STK4: variants seen among roughly 807,000 people sequenced by gnomAD.
STK4 encodes the protein serine/threonine kinase 4.
In STK4, 30 loss-of-function variants were observed where a neutral mutation model predicts 64.9. The observed-to-expected ratio is 0.46, with a 90% CI of 0.35 to 0.63. The LOEUF (loss-of-function observed/expected upper bound fraction) is 0.63. Ranked by LOEUF, STK4 falls within the 20% of genes least tolerant of loss-of-function variation. The pLI, the probability that STK4 is intolerant of heterozygous loss-of-function variation, is 0.01. For missense variants in STK4, 466 were observed against 598.5 expected, an observed-to-expected ratio of 0.78 and a Z score of 2.31; for synonymous variants, 177 against 199.0, an observed-to-expected ratio of 0.89 and a Z score of 0.93.
chr20:45,010,780 T>C (rs1338258801), intron 9 of STK4, among the ~76,000 whole-genome samples: 1 of 152,228 alleles, frequency 6.6e-6, no homozygotes, highest in East Asian at 1.9e-4. Flanking sequence ...AGTAATGTAC[T>C]TCTCCTTGCT....
chr20:45,011,731 T>TATA (rs1428985946), intron 9 of STK4, among the ~76,000 whole-genome samples: 5,050 of 80,962 alleles, frequency 0.062, 198 homozygotes, highest in East Asian at 0.17. Context: ...ATATATATAT[T>TATA]TTTTTTTTTT....
chr20:45,017,000 A>G (rs1179190842), intron 9 of STK4, among the ~76,000 whole-genome samples: 2 of 152,222 alleles, frequency 1.3e-5, no homozygotes, highest in African/African-American at 4.8e-5. Flanking sequence ...ATATCAATTT[A>G]AGTGGATCTA....
chr20:45,001,384 T>C (rs1470259116), intron 9 of STK4, 31 bp downstream of exon 9: 3 of 1,588,108 alleles, frequency 1.9e-6, no homozygotes, highest in Non-Finnish European at 2.6e-6. Flanking sequence ...ACTGACTTCT[T>C]AGACCAAGCA....
At chr20:45,040,043 C>T (rs1290450134) in intron 10 of STK4, among the ~76,000 whole-genome samples, 1 of 145,442 alleles carries the variant, frequency 6.9e-6, no homozygotes. Flanking sequence ...GAATCAGGTT[C>T]GATTTTTTTT....
At chr20:45,003,319 T>G (rs973534180) in intron 9 of STK4, among the ~76,000 whole-genome samples, 1 of 152,182 alleles carries the variant, frequency 6.6e-6, no homozygotes, top group Admixed American at 6.5e-5. Flanking sequence ...ATATTTAATA[T>G]TGGACCAGGT....
intron 1 of STK4, among the ~76,000 whole-genome samples, chr20:44,970,889 TTG>T (rs60332680): frequency 0.012 from 1,724 of 147,870 alleles, 29 homozygotes; most frequent in African/African-American, 0.037. Context: ...AGGTACACAT[TTG>T]TGTGTGTGTG....
intron 10 of STK4, among the ~76,000 whole-genome samples, chr20:45,040,537 G>C (rs757352142): frequency 1.3e-5 from 2 of 151,734 alleles, no homozygotes; most frequent in African/African-American, 2.4e-5. Context: ...ATACTCCCTG[G>C]TAGTTTGTGA....
intron 10 of STK4, among the ~76,000 whole-genome samples, chr20:45,054,611 C>T (rs184697330): frequency 1.3e-5 from 2 of 148,928 alleles, no homozygotes; most frequent in East Asian, 3.9e-4. Flanking sequence ...GTACAGACCC[C>T]AGAGTCAGAC....
Position 45,001,328 on chromosome 20 carries a change from T to G in STK4, c.1122T>G (p.Asp374Glu). 6.2e-7 allele frequency: 1 copy of G among 1,612,048 alleles called. No individual in the cohort carries two copies. The highest frequency in any genetic ancestry group is 8.5e-7 in the Non-Finnish European group (1 of 1,178,288). Residue 374 changes from aspartate to glutamate, a missense_variant, in exon 9 of 11, where the codon GAT (aspartate) becomes GAG (glutamate). By Grantham distance (45) the Asp-to-Glu change is conservative (BLOSUM62 2). Around this residue, in one of 2 missense-constraint regions of STK4, gnomAD observed 276 missense variants for 308.9 expected, o/e 0.89. Transcript: ENST00000372806. The part of the protein sequence containing the change: ...QLGTMVINAE[D>E]EEEEGTMKRR... ...GCACCATGGTGATCAATGCAGAGGA[T>G]GAGGAAGAGGAAGGAACTATGAAAA...
At position 44,987,185 on chromosome 20, in the gene STK4, A is replaced by G; in HGVS notation, c.414A>G (p.Glu138=). Residue 138 remains glutamate, a synonymous_variant, in exon 5 of 11, where the codon GAA becomes GAG. Coordinates refer to ENST00000372806, the MANE Select transcript of STK4 (RefSeq NM_006282.5). ...TACAATCAACTCTTAAGGGACTTGA[A>G]TACCTTCATTTTATGAGAAAAATAC... ...TILQSTLKGL[E]YLHFMRKIHR... 6.2e-7 allele frequency: 1 copy of G among 1,611,506 alleles called. No individual in the cohort carries two copies. The highest frequency in any genetic ancestry group is 1.1e-5 in the South Asian group (1 of 90,784).
rs79167024 is a variant in STK4, at chr20:45,010,865, G to A, written c.1147+9512G>A. 3.0e-3 allele frequency among the ~76,000 whole-genome samples: 457 copies of A among 152,256 alleles called. 2 individuals carry two copies. Among genetic ancestry groups the A allele is most frequent in the African/African-American group, 0.01 (435 of 41,538 alleles). On this transcript the variant is annotated intron_variant, in intron 9 of 10. Transcript: ENST00000372806. ...AAGAAAGGACAGATGGTTTTCAAAG[G>A]GAGCATGCCTCTGATAAGCTAATGA... is the stretch of plus-strand genomic sequence containing the variant.
At chr20:44,979,564 G>A (rs1026124815) in intron 3 of STK4, among the ~76,000 whole-genome samples, 3 of 152,172 alleles carry the variant, frequency 2.0e-5, no homozygotes, top group African/African-American at 7.2e-5. Context: ...GCCAGCTCTA[G>A]GGAGCTGAAG....
At chr20:44,975,803 A>G (rs188097178) in intron 2 of STK4, 2 of 152,342 alleles carry the variant, frequency 1.3e-5, no homozygotes, top group African/African-American at 4.8e-5. Context: ...CAAACTCTGA[A>G]TATAAGACCT....
intron 10 of STK4, among the ~76,000 whole-genome samples, chr20:45,051,246 T>C (rs757187786): frequency 6.6e-6 from 1 of 152,248 alleles, no homozygotes; most frequent in African/African-American, 2.4e-5. Context: ...TGATTGTTTC[T>C]AACCAAAAGG....
intron 9 of STK4, among the ~76,000 whole-genome samples, chr20:45,018,823 G>C (rs2068191033): frequency 6.6e-6 from 1 of 151,410 alleles, no homozygotes; most frequent in Non-Finnish European, 1.5e-5. Flanking sequence ...CTTGAACTGG[G>C]CTCAAGTGAT....
At position 44,966,523 on chromosome 20, in the gene STK4, G is replaced by T. The variant is rs372584607; in HGVS notation, c.-46G>T. ...TGCGGGGCGGGCTCAGGAGGTCCGCGGGAGGATGGAGCAGTGAGCGGGTCT... is the reference window on the plus strand; with the variant it reads ...TGCGGGGCGGGCTCAGGAGGTCCGCTGGAGGATGGAGCAGTGAGCGGGTCT... On this transcript the variant is annotated 5_prime_UTR_variant, in exon 1 of 11. Transcript: ENST00000372806. 5.3e-5 allele frequency: 67 copies of T among 1,254,374 alleles called. 2 individuals are homozygous for T. In the South Asian group the frequency reaches 2.3e-3, roughly 43 times the overall value. The allele number at this position is 1,254,374 out of a possible 1,614,324, so 77.7% of individuals were successfully genotyped here.
chr20:45,042,616 C>A (rs2068630977), intron 10 of STK4, among the ~76,000 whole-genome samples: 1 of 152,166 alleles, frequency 6.6e-6, no homozygotes, highest in Admixed American at 6.5e-5. Context: ...ACTCCAAGCA[C>A]CAGTAATGCT....
chr20:45,046,245 A>C (rs1002048870), intron 10 of STK4, among the ~76,000 whole-genome samples: 2 of 151,430 alleles, frequency 1.3e-5, no homozygotes, highest in Non-Finnish European at 2.9e-5. Context: ...CTTGGGCTAC[A>C]TAGCAATACC....
intron 10 of STK4, among the ~76,000 whole-genome samples, chr20:45,046,948 G>A (rs930080450): frequency 2.0e-5 from 3 of 152,080 alleles, no homozygotes; most frequent in African/African-American, 7.2e-5. Context: ...CCAAAGTGCT[G>A]GGATTACAGG....
Sources: gnomAD v4.1 joint callset for allele counts (sites outside exome capture counted in the v4.1 genomes callset) on GRCh38, gnomAD v4.1.1 for gene constraint, gnomAD v4.1.1 regional missense constraint, MANE v1.5 for transcripts, NCBI Gene and HGNC (gene_info 2026-07-23, HGNC 2026-07-21) for gene names.